Variants in JMJD1C observed in about 807,000 individuals in gnomAD.
JMJD1C encodes jumonji domain-containing protein 1C.
Under a neutral mutation model 245.3 loss-of-function variants are expected in JMJD1C, and 31 were observed. The ratio of observed to expected loss-of-function variants is 0.13; its 90% CI spans 0.09 to 0.17. The LOEUF is 0.17. JMJD1C is among the 10% of genes least tolerant of loss of function. JMJD1C has a pLI of 1.00. For missense variants in JMJD1C, 2,691 were observed against 3,000.2 expected (o/e 0.90, Z 2.41); for synonymous variants, 1,057 against 1,017.4 (o/e 1.04, Z -0.74).
At chr10:63,378,320 G>A (rs778901172) in intron 2 of JMJD1C, among the ~76,000 whole-genome samples, 6 of 152,034 alleles carry the variant, frequency 3.9e-5, no homozygotes, top group African/African-American at 7.2e-5. Context: ...GGCTGGGCAC[G>A]GTGGCTCAGA....
Position 63,207,450 on chromosome 10 carries a change from T to G in JMJD1C, c.4219A>C (p.Ser1407Arg), listed in dbSNP as rs1161208589. ...DVITSAADTT[S>R]VSSWGGSEVI... is the part of the protein sequence containing the mutation. ...TCTGAACCACCCCAGCTGGAAACAC[T>G]GGTAGTATCGGCAGCAGATGTGATT... The change falls in exon 10 of 26, where the codon AGT (serine) becomes CGT (arginine). Residue 1407 changes from serine to arginine, a missense_variant. By Grantham distance (110) the Ser-to-Arg change is moderately radical. Transcript: ENST00000399262. 1 of 1,614,224 alleles carries G rather than the reference T, an allele frequency of 6.2e-7. No homozygotes were observed. Among genetic ancestry groups the G allele is most frequent in the South Asian group, 1.1e-5 (1 of 91,084 alleles).
intron 1 of JMJD1C, among the ~76,000 whole-genome samples, chr10:63,418,957 G>T (rs973195325): frequency 6.8e-6 from 1 of 147,586 alleles, no homozygotes; most frequent in African/African-American, 2.5e-5. Context: ...CGCGCCTGTA[G>T]CCCCAGCTAC....
At chr10:63,248,298 C>G (rs190149457) in intron 3 of JMJD1C, among the ~76,000 whole-genome samples, 3 of 151,480 alleles carry the variant, frequency 2.0e-5, no homozygotes, top group Non-Finnish European at 4.4e-5. Flanking sequence ...GTTGCTAACA[C>G]AGGGAAGTTT....
At chr10:63,516,053 T>C (rs1316758670) in intron 1 of JMJD1C, among the ~76,000 whole-genome samples, 1 of 152,180 alleles carries the variant, frequency 6.6e-6, no homozygotes, top group African/African-American at 2.4e-5. Flanking sequence ...ACTTTTATGG[T>C]ACTTTCAGTT....
chr10:63,432,772 C>T (rs917496217), intron 1 of JMJD1C, among the ~76,000 whole-genome samples: 1 of 152,108 alleles, frequency 6.6e-6, no homozygotes, highest in Admixed American at 6.6e-5. Context: ...CCTAGAACAG[C>T]CATAAGAAGC....
In JMJD1C at chr10:63,456,878, G is replaced by A. The variant is rs540666629; in HGVS notation, c.168+8617C>T. 1.1e-3 allele frequency among the ~76,000 whole-genome samples: 168 copies of A among 152,118 alleles called. 1 individual carries two copies. The highest frequency in any genetic ancestry group is 1.5e-3 in the Non-Finnish European group (99 of 67,974). On this transcript the variant is annotated intron_variant, in intron 1 of 25. Coordinates refer to ENST00000399262, the MANE Select transcript of JMJD1C (RefSeq NM_032776.3). The stretch of plus-strand genomic sequence containing the variant: ...TCTACTAAAGAGAATTAGATGAACA[G>A]ATACCTTCACCAAATGTTTCCAGGG...
chr10:63,502,729 C>G (rs1954599986), intron 1 of JMJD1C, among the ~76,000 whole-genome samples: 1 of 151,210 alleles, frequency 6.6e-6, no homozygotes, highest in African/African-American at 2.4e-5. Flanking sequence ...CTTTGTTCAA[C>G]TCTGTATTTC....
chr10:63,246,146 A>G (rs907640677), intron 3 of JMJD1C, among the ~76,000 whole-genome samples: 3 of 152,252 alleles, frequency 2.0e-5, no homozygotes, highest in Non-Finnish European at 4.4e-5. Context: ...GAGAAACAGC[A>G]GAAAGTGGAA....
intron 4 of JMJD1C, among the ~76,000 whole-genome samples, chr10:63,218,079 G>A (rs557610952): frequency 1.3e-5 from 2 of 152,102 alleles, no homozygotes; most frequent in African/African-American, 2.4e-5. Flanking sequence ...ACAAAGAACT[G>A]TAAGGGAAAA....
intron 2 of JMJD1C, among the ~76,000 whole-genome samples, chr10:63,365,810 C>T (rs1161938505): frequency 6.6e-6 from 1 of 152,140 alleles, no homozygotes; most frequent in Non-Finnish European, 1.5e-5. Flanking sequence ...CCTTTATATA[C>T]AGTGTTAATA....
intron 8 of JMJD1C, among the ~76,000 whole-genome samples, chr10:63,209,830 T>C (rs1180831840): frequency 6.6e-6 from 1 of 152,216 alleles, no homozygotes; most frequent in Non-Finnish European, 1.5e-5. Context: ...TACATCAATA[T>C]GCTGCCTGTC....
intron 1 of JMJD1C, among the ~76,000 whole-genome samples, chr10:63,424,140 T>A (rs1950291539): frequency 6.6e-6 from 1 of 152,136 alleles, no homozygotes; most frequent in African/African-American, 2.4e-5. Flanking sequence ...TGTAACCTCA[T>A]GGACTGAAGT....
chr10:63,406,221 G>C (rs1294853230), intron 1 of JMJD1C, among the ~76,000 whole-genome samples: 1 of 152,036 alleles, frequency 6.6e-6, no homozygotes, highest in Non-Finnish European at 1.5e-5. Flanking sequence ...AGTAAATGAA[G>C]AGCAAATAAG....
rs1846836458 is a variant in JMJD1C, at chr10:63,207,885, C to A, written c.3784G>T (p.Ala1262Ser). The change falls in exon 10 of 26, where the codon GCA becomes TCA. Residue 1262 changes from alanine to serine, a missense_variant. Coordinates refer to ENST00000399262, the MANE Select transcript of JMJD1C (RefSeq NM_032776.3). Reference protein sequence around the residue: ...TLIPEPKDSQANFKSSSEQSL... With the variant: ...TLIPEPKDSQSNFKSSSEQSL... The stretch of plus-strand genomic sequence containing the variant: ...TGTTCTGAAGAACTCTTAAAATTTG[C>A]CTGGGAGTCTTTTGGTTCGGGTATT... The A allele has an allele frequency of 6.2e-7, 1 of 1,614,082 alleles. No homozygotes were observed. The highest frequency in any genetic ancestry group is 1.1e-5 in the South Asian group (1 of 91,084).
At chr10:63,414,727 G>A (rs956521094) in intron 1 of JMJD1C, among the ~76,000 whole-genome samples, 3 of 151,700 alleles carry the variant, frequency 2.0e-5, no homozygotes, top group Non-Finnish European at 4.4e-5. Context: ...ATCTTTCTTT[G>A]CTAAAAATAA....
At chr10:63,302,322 A>AAT (rs1364239425) in intron 2 of JMJD1C, among the ~76,000 whole-genome samples, 1 of 152,232 alleles carries the variant, frequency 6.6e-6, no homozygotes, top group Non-Finnish European at 1.5e-5. Context: ...TGAGTAAATG[A>AAT]ATATATATAA....
chr10:63,454,795 A>G (rs1366652677), intron 1 of JMJD1C, among the ~76,000 whole-genome samples: 2 of 152,200 alleles, frequency 1.3e-5, no homozygotes, highest in East Asian at 1.9e-4. Context: ...ACAGCTCTGT[A>G]ATTCCCCACA....
chr10:63,433,705 C>A (rs1950909449), intron 1 of JMJD1C, among the ~76,000 whole-genome samples: 1 of 150,328 alleles, frequency 6.7e-6, no homozygotes, highest in Non-Finnish European at 1.5e-5. Context: ...CCCACCTCAG[C>A]CTCCCAAGTA....
intron 2 of JMJD1C, among the ~76,000 whole-genome samples, chr10:63,309,768 T>G (rs1487631700): frequency 6.6e-6 from 1 of 151,824 alleles, no homozygotes; most frequent in Non-Finnish European, 1.5e-5. Flanking sequence ...AATTCAAAAA[T>G]TAGCTGGGTG....
Sources: allele counts gnomAD v4.1 joint callset (sites outside exome capture counted in the v4.1 genomes callset), GRCh38; gene constraint gnomAD v4.1.1; transcripts MANE v1.5; gene names NCBI Gene and HGNC (gene_info 2026-07-23, HGNC 2026-07-21).